The following SLC35F4 variants were observed in gnomAD, a reference collection of about 807,000 sequenced individuals.
SLC35F4 encodes solute carrier family 35 member F4.
A neutral mutation model predicts 44.2 loss-of-function variants in SLC35F4; 24 were observed. The observed-to-expected ratio is 0.54, with a 90% CI of 0.39 to 0.76. The LOEUF (loss-of-function observed/expected upper bound fraction) is 0.76, where lower values mean the gene tolerates loss of function less well. Among genes scored for constraint, SLC35F4 ranks in the 30% least tolerant of loss-of-function variants. The pLI is 0.00. For missense variants in SLC35F4, 562 were observed against 586.1 expected, an observed-to-expected ratio of 0.96 and a Z score of 0.42; for synonymous variants, 238 against 223.6, an observed-to-expected ratio of 1.06 and a Z score of -0.57.
chr14:57,585,290 C>A (rs1425220079), intron 3 of SLC35F4, among the ~76,000 whole-genome samples: 1 of 152,102 alleles, frequency 6.6e-6, no homozygotes, highest in African/African-American at 2.4e-5. Flanking sequence ...AAATTCAACA[C>A]CCCTTCATAC....
At chr14:57,579,073 C>T (rs571417771) in intron 4 of SLC35F4, 18 of 152,306 alleles carry the variant, frequency 1.2e-4, no homozygotes, top group South Asian at 4.1e-4. Context: ...ATCACATTGC[C>T]GCCACCTCCT....
chr14:57,714,311 A>C (rs1262078619), intron 1 of SLC35F4, among the ~76,000 whole-genome samples: 1 of 152,190 alleles, frequency 6.6e-6, no homozygotes, highest in Non-Finnish European at 1.5e-5. Context: ...AACATGATAA[A>C]TAAAAATCCC....
chr14:57,950,231 CT>C (rs960047945), intron 1 of SLC35F4, among the ~76,000 whole-genome samples: 3 of 150,706 alleles, frequency 2.0e-5, no homozygotes, highest in African/African-American at 4.9e-5. Flanking sequence ...TTTTTTTATT[CT>C]TTTTTTTTCT....
intron 1 of SLC35F4, among the ~76,000 whole-genome samples, chr14:57,929,294 A>G (rs1287187585): frequency 6.6e-6 from 1 of 152,212 alleles, no homozygotes; most frequent in Non-Finnish European, 1.5e-5. Flanking sequence ...GCAAAAGAAT[A>G]TGAAAATATA....
intron 1 of SLC35F4, among the ~76,000 whole-genome samples, chr14:57,669,686 T>C (rs2074447157): frequency 6.6e-6 from 1 of 152,112 alleles, no homozygotes; most frequent in Admixed American, 6.5e-5. Context: ...GAAGCCCACT[T>C]GATCATGGTG....
chr14:57,968,327 C>T (rs1410409586), intron 1 of SLC35F4, among the ~76,000 whole-genome samples: 1 of 152,194 alleles, frequency 6.6e-6, no homozygotes, highest in East Asian at 1.9e-4. Context: ...TATTTTTAAA[C>T]ATAGACAGTC....
chr14:57,716,602 T>A (rs1017115725), intron 1 of SLC35F4, among the ~76,000 whole-genome samples: 2 of 152,178 alleles, frequency 1.3e-5, no homozygotes, highest in African/African-American at 4.8e-5. Context: ...TTTCTAAAAA[T>A]TTTAATTGGC....
chr14:57,881,889 T>C (rs936118578), intron 1 of SLC35F4, among the ~76,000 whole-genome samples: 2 of 152,222 alleles, frequency 1.3e-5, no homozygotes, highest in African/African-American at 4.8e-5. Flanking sequence ...TAATTGCTCA[T>C]CTTCCTTATT....
At chr14:57,570,011 C>A in intron 5 of SLC35F4, 31 bp from the exon 6 acceptor site, 1 of 1,556,622 alleles carries the variant, frequency 6.4e-7, no homozygotes, top group Non-Finnish European at 8.7e-7. Context: ...TACAGCCACA[C>A]AGAAACTTAG....
At chr14:57,865,666 C>T (rs1888101617) in intron 1 of SLC35F4, 57 bp downstream of exon 1, 2 of 1,425,696 alleles carry the variant, frequency 1.4e-6, no homozygotes, top group East Asian at 2.7e-5. Context: ...CCCGCGGCAC[C>T]CCTGCGCGCC....
rs1268140301 is a variant in SLC35F4, at chr14:57,944,682, AAAAGAAAGAAAGAAAAGAAAGAAAG to A, written n.282+37206_282+37230del. Reference sequence around the variant, plus strand: ...GGGAGAGAGAGAAAGAAAGAAAAAGAAAAGAAAGAAAGAAAAGAAAGAAAGAAAGAAAGAAAGAAAGAAAGAAAGA... The same window carrying A: ...GGGAGAGAGAGAAAGAAAGAAAAAGAAAAGAAAGAAAGAAAGAAAGAAAGA... On this transcript the variant is annotated intron_variant and non_coding_transcript_variant, in intron 1 of 1. Coordinates refer to the SLC35F4 transcript ENST00000556568. Among the ~76,000 whole-genome samples the A allele has an allele frequency of 5.2e-3, 709 of 135,852 alleles. 7 individuals carry two copies. Among genetic ancestry groups the A allele is most frequent in the African/African-American group, 0.018 (608 of 33,368 alleles). The allele number at this position is 135,852 out of a possible 152,430, so 89.1% of individuals were successfully genotyped here.
At chr14:57,760,359 G>A (rs2077095890) in intron 1 of SLC35F4, among the ~76,000 whole-genome samples, 1 of 151,996 alleles carries the variant, frequency 6.6e-6, no homozygotes, top group South Asian at 2.1e-4. Flanking sequence ...ATTTATCTCT[G>A]GACTGTCTAT....
At chr14:57,792,014 A>G (rs1408874449) in intron 1 of SLC35F4, among the ~76,000 whole-genome samples, 4 of 152,146 alleles carry the variant, frequency 2.6e-5, no homozygotes. Context: ...CCTAATGTAA[A>G]TGACGGGTTG....
intron 1 of SLC35F4, among the ~76,000 whole-genome samples, chr14:57,874,562 G>C (rs928931359): frequency 6.6e-6 from 1 of 152,174 alleles, no homozygotes; most frequent in African/African-American, 2.4e-5. Context: ...ACTGAGGCTA[G>C]AGGGCTAAAC....
intron 1 of SLC35F4, among the ~76,000 whole-genome samples, chr14:57,638,781 G>A (rs2140153042): frequency 6.6e-6 from 1 of 152,154 alleles, no homozygotes; most frequent in South Asian, 2.1e-4. Flanking sequence ...TCCTCTGGAT[G>A]ACAGCCATGA....
intron 1 of SLC35F4, among the ~76,000 whole-genome samples, chr14:57,946,032 T>C (rs1890020334): frequency 1.3e-5 from 2 of 152,218 alleles, no homozygotes. Flanking sequence ...TAGTCCTTTG[T>C]TGGACGCATA....
rs368041408 is a variant in SLC35F4, at chr14:57,890,986, G to C, written n.282+90927C>G. Among the ~76,000 whole-genome samples the C allele has an allele frequency of 9.9e-5, 15 of 152,232 alleles. 1 individual carries two copies. The highest frequency in any genetic ancestry group is 3.6e-4 in the African/African-American group (15 of 41,550). ...GAATATCAGTTGAAACAGCTTTCTA[G>C]GAAAGGCTTGCTGTCTCTTCTCCTA... On this transcript the variant is annotated intron_variant and non_coding_transcript_variant, in intron 1 of 1. Coordinates refer to the SLC35F4 transcript ENST00000556568.
chr14:57,682,527 T>C (rs1455492888), intron 1 of SLC35F4, among the ~76,000 whole-genome samples: 1 of 151,630 alleles, frequency 6.6e-6, no homozygotes, highest in East Asian at 1.9e-4. Context: ...TTAGGAGAAA[T>C]ACATAATGTA....
At chr14:57,616,224 AT>A (rs2071813665) in intron 1 of SLC35F4, among the ~76,000 whole-genome samples, 1 of 152,118 alleles carries the variant, frequency 6.6e-6, no homozygotes, top group Non-Finnish European at 1.5e-5. Context: ...TTTTAATAGT[AT>A]TTTTCTTGAT....
Sources: allele counts gnomAD v4.1 joint callset (sites outside exome capture counted in the v4.1 genomes callset), GRCh38; gene constraint gnomAD v4.1.1; transcripts MANE v1.5; gene names NCBI Gene and HGNC (gene_info 2026-07-23, HGNC 2026-07-21).